Variants in NUBPL observed in about 807,000 individuals in gnomAD.
NUBPL encodes iron-sulfur cluster transfer protein NUBPL.
In NUBPL, 31 loss-of-function variants were observed where a neutral mutation model predicts 45.7. The ratio of observed to expected loss-of-function variants is 0.68; its 90% CI spans 0.51 to 0.92. NUBPL has a LOEUF of 0.92. Among genes scored for constraint, NUBPL ranks in the 40% least tolerant of loss-of-function variants. The pLI is 0.00. For missense variants in NUBPL, 401 were observed against 398.7 expected, an observed-to-expected ratio of 1.01 and a Z score of -0.05; for synonymous variants, 144 against 140.9, an observed-to-expected ratio of 1.02 and a Z score of -0.15.
At chr14:31,642,491 G>T (rs189768330) in intron 4 of NUBPL, among the ~76,000 whole-genome samples, 3 of 152,134 alleles carry the variant, frequency 2.0e-5, no homozygotes, top group Admixed American at 2.0e-4. Flanking sequence ...TGAGTTGGCT[G>T]TAAAATGAGT....
chr14:31,831,398 C>G (rs1157048871), intron 8 of NUBPL, among the ~76,000 whole-genome samples: 2 of 151,860 alleles, frequency 1.3e-5, no homozygotes, highest in Non-Finnish European at 1.5e-5. Context: ...CACTCTATTA[C>G]TCCTTTTCTA....
chr14:31,659,855 A>G (rs1023536012), intron 4 of NUBPL, among the ~76,000 whole-genome samples: 25 of 152,172 alleles, frequency 1.6e-4, no homozygotes, highest in African/African-American at 5.8e-4. Context: ...GATTGTGGAA[A>G]GGATGAATTG....
At chr14:31,750,041 T>A (rs2038486996) in intron 6 of NUBPL, among the ~76,000 whole-genome samples, 2 of 152,146 alleles carry the variant, frequency 1.3e-5, no homozygotes. Flanking sequence ...GCTCCAAGAT[T>A]TCTGTTTGGA....
At chr14:31,841,923 T>TTTTTTTTTTTG (rs2040378686) in intron 8 of NUBPL, among the ~76,000 whole-genome samples, 1 of 110,938 alleles carries the variant, frequency 9.0e-6, no homozygotes, top group Non-Finnish European at 1.9e-5. Context: ...TGGGCTTTTT[T>TTTTTTTTTTTG]TTTTTTTTTT....
intron 4 of NUBPL, among the ~76,000 whole-genome samples, chr14:31,625,423 G>C (rs2035179372): frequency 1.3e-5 from 2 of 151,740 alleles, no homozygotes; most frequent in African/African-American, 4.8e-5. Context: ...CTAGTACATT[G>C]CTATGCTCTA....
In NUBPL at chr14:31,860,754, G is replaced by A. The variant is rs979569817; in HGVS notation, c.*1574G>A. On this transcript the variant is annotated 3_prime_UTR_variant, in exon 11 of 11. Transcript: ENST00000281081. ...AAACAACCCAGATTTTCTTCATTGGGTAAATGATTAAACAAACCATAGTAC... is the reference window on the plus strand; with the variant it reads ...AAACAACCCAGATTTTCTTCATTGGATAAATGATTAAACAAACCATAGTAC... The A allele has an allele frequency of 6.6e-6, 1 of 152,032 alleles. No individual in the cohort carries two copies. The highest frequency in any genetic ancestry group is 1.5e-5 in the Non-Finnish European group (1 of 68,010). 9.4% of individuals were successfully genotyped at this position (152,032 alleles called of 1,614,324 possible).
intron 4 of NUBPL, among the ~76,000 whole-genome samples, chr14:31,639,693 C>G (rs972380720): frequency 2.0e-5 from 3 of 152,330 alleles, no homozygotes; most frequent in African/African-American, 4.8e-5. Flanking sequence ...GAGATGGAGC[C>G]TACAGAGGCA....
chr14:31,815,652 G>A (rs994908659), intron 7 of NUBPL, among the ~76,000 whole-genome samples: 1 of 152,250 alleles, frequency 6.6e-6, no homozygotes, highest in Non-Finnish European at 1.5e-5. Flanking sequence ...TGCCCATTCA[G>A]TATGATACTG....
chr14:31,650,886 G>A (rs999908549), intron 4 of NUBPL, among the ~76,000 whole-genome samples: 5 of 152,116 alleles, frequency 3.3e-5, no homozygotes, highest in African/African-American at 4.8e-5. Flanking sequence ...AGATCACAAC[G>A]TGAGGGTGGA....
intron 4 of NUBPL, among the ~76,000 whole-genome samples, chr14:31,615,028 C>T (rs2034860521): frequency 6.6e-6 from 1 of 152,114 alleles, no homozygotes; most frequent in Admixed American, 6.5e-5. Flanking sequence ...TGTATCCCCA[C>T]CCCAATGTCA....
At chr14:31,728,778 C>T (rs1261056445) in intron 6 of NUBPL, among the ~76,000 whole-genome samples, 1 of 152,136 alleles carries the variant, frequency 6.6e-6, no homozygotes, top group Non-Finnish European at 1.5e-5. Context: ...ATTGCTGTTA[C>T]TGTAGTAGGT....
chr14:31,817,442 C>A (rs1345322509), intron 7 of NUBPL, among the ~76,000 whole-genome samples: 2 of 152,132 alleles, frequency 1.3e-5, no homozygotes, highest in African/African-American at 4.8e-5. Flanking sequence ...GGTCGGGTTA[C>A]CCACAAAGGG....
intron 4 of NUBPL, among the ~76,000 whole-genome samples, chr14:31,610,623 A>AAT (rs974666377): frequency 1.3e-5 from 2 of 150,494 alleles, no homozygotes; most frequent in Admixed American, 6.6e-5. Context: ...AAAAAAAAAA[A>AAT]AAAAAAAGAA....
In NUBPL at chr14:31,832,686, T is replaced by C. The variant is rs553393101; in HGVS notation, c.693+5972T>C. On this transcript the variant is annotated intron_variant, in intron 8 of 10. Coordinates refer to ENST00000281081, the MANE Select transcript of NUBPL (RefSeq NM_025152.3). The stretch of plus-strand genomic sequence containing the variant: ...TTCAAATTAAATTGCTTTCCAAATT[T>C]TCTTATAATTTTTTAGATGATAGGA... Among the ~76,000 whole-genome samples, 16 of 152,326 alleles carry C rather than the reference T, an allele frequency of 1.1e-4. No homozygotes were observed. In the South Asian group the frequency reaches 1.7e-3, roughly 16 times the overall value.
At chr14:31,778,423 G>T (rs1339155144) in intron 6 of NUBPL, among the ~76,000 whole-genome samples, 3 of 152,198 alleles carry the variant, frequency 2.0e-5, no homozygotes, top group Non-Finnish European at 4.4e-5. Context: ...AAAGACTAAG[G>T]AAAGGGCCTA....
At chr14:31,837,064 C>T (rs992811857) in intron 8 of NUBPL, among the ~76,000 whole-genome samples, 4 of 152,130 alleles carry the variant, frequency 2.6e-5, no homozygotes, top group East Asian at 1.9e-4. Context: ...TAAAAATATT[C>T]GTAATAGGCC....
chr14:31,612,216 TG>T (rs1407581999), intron 4 of NUBPL, among the ~76,000 whole-genome samples: 1 of 152,232 alleles, frequency 6.6e-6, no homozygotes, highest in East Asian at 1.9e-4. Flanking sequence ...TTAATTTTAA[TG>T]GCAAAAACTG....
At chr14:31,798,208 GTA>G (rs1269750473) in intron 7 of NUBPL, among the ~76,000 whole-genome samples, 1 of 150,284 alleles carries the variant, frequency 6.7e-6, no homozygotes, top group African/African-American at 2.5e-5. Context: ...TTTTTTCTGT[GTA>G]TATGTTAAAG....
At chr14:31,745,530 G>A (rs138759911) in intron 6 of NUBPL, among the ~76,000 whole-genome samples, 1,730 of 152,160 alleles carry the variant, frequency 0.011, 16 homozygotes, top group Middle Eastern at 0.034. Flanking sequence ...TCCTGACCTC[G>A]TGATCCACCC....
Sources: gnomAD v4.1 joint callset for allele counts (sites outside exome capture counted in the v4.1 genomes callset) on GRCh38, gnomAD v4.1.1 for gene constraint, MANE v1.5 for transcripts, NCBI Gene and HGNC (gene_info 2026-07-23, HGNC 2026-07-21) for gene names.